PDZD2: variants seen among roughly 807,000 people sequenced by gnomAD.
PDZD2 encodes the protein PDZ domain-containing protein 2.
In PDZD2, 90 loss-of-function variants were observed where a neutral mutation model predicts 220.7. The ratio of observed to expected loss-of-function variants is 0.41; its 90% CI spans 0.34 to 0.49. The LOEUF (loss-of-function observed/expected upper bound fraction) is 0.49. Among genes scored for constraint, PDZD2 ranks in the 20% least tolerant of loss-of-function variants. The probability of loss-of-function intolerance (pLI) is 0.28; values close to 1 mark genes in which losing one functional copy is unlikely to be tolerated. For missense variants in PDZD2, 3,174 were observed against 3,608.5 expected (o/e 0.88, Z 3.08); for synonymous variants, 1,375 against 1,450.5 (o/e 0.95, Z 1.18).
intron 1 of PDZD2, among the ~76,000 whole-genome samples, chr5:31,779,706 A>G (rs910366983): frequency 2.0e-5 from 3 of 151,832 alleles, no homozygotes; most frequent in African/African-American, 7.3e-5. Flanking sequence ...CAAAAACAGA[A>G]CCTGTTCAGT....
At chr5:31,902,487 C>CT (rs35993323) in intron 2 of PDZD2, among the ~76,000 whole-genome samples, 146 of 136,686 alleles carry the variant, frequency 1.1e-3, no homozygotes, top group Middle Eastern at 3.8e-3. Flanking sequence ...ACTTTTTTTT[C>CT]TTTTTTTTTT....
intron 2 of PDZD2, among the ~76,000 whole-genome samples, chr5:31,924,554 C>T (rs549427621): frequency 5.8e-4 from 88 of 152,296 alleles, no homozygotes; most frequent in African/African-American, 2.0e-3. Flanking sequence ...CATCACTTCA[C>T]GTTTGGCGTG....
At chr5:32,007,075 C>G (rs1450405264) in intron 5 of PDZD2, among the ~76,000 whole-genome samples, 7 of 151,938 alleles carry the variant, frequency 4.6e-5, no homozygotes, top group African/African-American at 1.7e-4. Context: ...GCCACCACGC[C>G]CGGCTAATTT....
chr5:31,705,195 CACACACACACACACAT>C (rs35427865), intron 1 of PDZD2, among the ~76,000 whole-genome samples: 25,700 of 111,912 alleles, frequency 0.23, 2,386 homozygotes, highest in African/African-American at 0.36. Flanking sequence ...CACACACACA[CACACACACACACACAT>C]ACACACTCAC....
chr5:31,902,793 G>T (rs1198076132), intron 2 of PDZD2, among the ~76,000 whole-genome samples: 2 of 151,900 alleles, frequency 1.3e-5, no homozygotes, highest in Admixed American at 6.6e-5. Context: ...CTTGAACCTA[G>T]GAGGCGGAGG....
intron 12 of PDZD2, among the ~76,000 whole-genome samples, chr5:32,058,883 T>C (rs1030638270): frequency 7.9e-5 from 12 of 152,148 alleles, no homozygotes; most frequent in African/African-American, 2.7e-4. Flanking sequence ...ACCAAGAGAT[T>C]ATGTGTTAAA....
At chr5:31,682,522 G>A (rs1442629145) in intron 1 of PDZD2, among the ~76,000 whole-genome samples, 1 of 152,138 alleles carries the variant, frequency 6.6e-6, no homozygotes, top group East Asian at 1.9e-4. Flanking sequence ...TATTAACTTT[G>A]TATTTAAATA....
intron 1 of PDZD2, among the ~76,000 whole-genome samples, chr5:31,740,369 A>T (rs1256975443): frequency 6.6e-6 from 1 of 151,486 alleles, no homozygotes; most frequent in East Asian, 1.9e-4. Context: ...AAATCAAAAA[A>T]AAAAAATTAG....
chr5:32,038,585 C>G (rs1419442420), intron 7 of PDZD2, among the ~76,000 whole-genome samples: 1 of 151,886 alleles, frequency 6.6e-6, no homozygotes, highest in Non-Finnish European at 1.5e-5. Flanking sequence ...TCATTAGTGT[C>G]TATTCATTAC....
chr5:31,744,858 C>T (rs1405778236), intron 1 of PDZD2, among the ~76,000 whole-genome samples: 1 of 151,876 alleles, frequency 6.6e-6, no homozygotes, highest in East Asian at 1.9e-4. Flanking sequence ...ATCTTGAGGT[C>T]AGGAGATTGA....
At chr5:31,879,552 A>T (rs978661557) in intron 2 of PDZD2, among the ~76,000 whole-genome samples, 1 of 152,162 alleles carries the variant, frequency 6.6e-6, no homozygotes, top group African/African-American at 2.4e-5. Context: ...TTTGCAGAGC[A>T]TCTAGCATTC....
At chr5:31,917,750 T>G (rs1743817144) in intron 2 of PDZD2, among the ~76,000 whole-genome samples, 1 of 152,076 alleles carries the variant, frequency 6.6e-6, no homozygotes. Flanking sequence ...TTTTTTATTT[T>G]TATTTTTTAG....
intron 2 of PDZD2, among the ~76,000 whole-genome samples, chr5:31,951,758 A>G (rs1434554925): frequency 6.6e-6 from 1 of 152,228 alleles, no homozygotes; most frequent in African/African-American, 2.4e-5. Context: ...CTCTCAGAAA[A>G]ATACGGTGAA....
At chr5:31,884,251 A>ACATACATACATACATC (rs1160721389) in intron 2 of PDZD2, among the ~76,000 whole-genome samples, 4 of 151,594 alleles carry the variant, frequency 2.6e-5, no homozygotes, top group African/African-American at 9.8e-5. Flanking sequence ...ATACATACAT[A>ACATACATACATACATC]CATACATACA....
Position 32,093,005 on chromosome 5 carries a change from A to G in PDZD2, c.7826A>G (p.Glu2609Gly). Reference protein sequence around the residue: ...SKSTILTLIQEAKAQSENEED... With the variant: ...SKSTILTLIQGAKAQSENEED... Reference sequence around the variant, plus strand: ...TCTACCATCCTAACTCTCATTCAGGAAGCGAAAGCACAATCAGAGGTGAGT... The same window carrying G: ...TCTACCATCCTAACTCTCATTCAGGGAGCGAAAGCACAATCAGAGGTGAGT... Residue 2609 changes from glutamate (E) to glycine (G), a missense_variant, in exon 21 of 25, where the codon GAA becomes GGA. By Grantham distance (98) the Glu-to-Gly change is moderately conservative (BLOSUM62 -2). This residue lies in a region of PDZD2 where 631 missense variants were observed against 789.9 expected (regional missense o/e 0.80). Transcript: ENST00000438447. The G allele has an allele frequency of 6.4e-7, 1 of 1,562,510 alleles. No homozygotes were observed. Among genetic ancestry groups the G allele is most frequent in the East Asian group, 2.2e-5 (1 of 44,618 alleles).
chr5:32,096,829 A>ATTTTTTTT lies in PDZD2; in HGVS notation c.7846-433_7846-426dup, dbSNP rs71831480. ...CATCATGATCAAATTATGTACTATG[A>ATTTTTTTT]TTTTTTTTTTTTTTTTTTTTTTTTG... On this transcript the variant is annotated intron_variant, in intron 21 of 24. Transcript: ENST00000438447. Among the ~76,000 whole-genome samples, 10 of 96,824 alleles carry ATTTTTTTT rather than the reference A, an allele frequency of 1.0e-4. 2 individuals are homozygous for ATTTTTTTT. Among genetic ancestry groups the ATTTTTTTT allele is most frequent in the South Asian group, 7.3e-4 (2 of 2,732 alleles). The allele number at this position is 96,824 out of a possible 152,430, so 63.5% of individuals were successfully genotyped here.
chr5:32,058,986 G>T (rs1038392546), intron 12 of PDZD2, among the ~76,000 whole-genome samples: 3 of 152,184 alleles, frequency 2.0e-5, no homozygotes, highest in African/African-American at 7.2e-5. Flanking sequence ...GAGGAGGTTA[G>T]TTAGACTAAG....
chr5:31,710,543 C>T (rs1388303689), intron 1 of PDZD2, among the ~76,000 whole-genome samples: 1 of 152,104 alleles, frequency 6.6e-6, no homozygotes, highest in Admixed American at 6.6e-5. Flanking sequence ...TATGGCCAGG[C>T]GTGGTGGCTC....
intron 2 of PDZD2, among the ~76,000 whole-genome samples, chr5:31,897,819 C>G (rs1581023957): frequency 1.3e-5 from 2 of 151,908 alleles, no homozygotes; most frequent in South Asian, 4.2e-4. Flanking sequence ...TCACTGCAAC[C>G]TCTACCTCCC....
Sources: allele counts gnomAD v4.1 joint callset (sites outside exome capture counted in the v4.1 genomes callset), GRCh38; gene constraint gnomAD v4.1.1; regional missense constraint gnomAD v4.1.1; transcripts MANE v1.5; gene names NCBI Gene and HGNC (gene_info 2026-07-23, HGNC 2026-07-21).